Variants in AFF2 observed in about 807,000 individuals in gnomAD.
The protein encoded by AFF2 is ALF transcription elongation factor 2.
A neutral mutation model predicts 76.9 loss-of-function variants in AFF2; 14 were observed. That is an observed-to-expected ratio of 0.18 (90% CI 0.12 to 0.28). The LOEUF (loss-of-function observed/expected upper bound fraction) is 0.28. AFF2 is among the 10% of genes least tolerant of loss of function. The probability of loss-of-function intolerance (pLI) is 1.00; values close to 1 mark genes in which losing one functional copy is unlikely to be tolerated. For missense variants in AFF2, 868 were observed against 1,001.1 expected, an observed-to-expected ratio of 0.87 and a Z score of 1.79; for synonymous variants, 398 against 366.7, an observed-to-expected ratio of 1.09 and a Z score of -0.98.
At chrX:148,800,312 G>T (rs2070040405) in intron 3 of AFF2, among the ~76,000 whole-genome samples, 1 of 111,638 alleles carries the variant, frequency 9.0e-6, no homozygotes, top group African/African-American at 3.3e-5. Flanking sequence ...TTCGTTAGAG[G>T]TTAGTACAAA....
chrX:148,862,395 T>C (rs2070858567), intron 7 of AFF2, among the ~76,000 whole-genome samples: 1 of 110,978 alleles, frequency 9.0e-6, no homozygotes, highest in Admixed American at 9.6e-5. Flanking sequence ...CAAACACGCA[T>C]AACATTAGAC....
rs1161003814 is a variant in AFF2 at position 148,930,254 on chromosome X, A to T, written c.1398-23326A>T. Among the ~76,000 whole-genome samples, 3 of 112,259 alleles carry T rather than the reference A, an allele frequency of 2.7e-5. No homozygotes were observed. In the East Asian group the frequency reaches 8.4e-4, roughly 31 times the overall value. The stretch of plus-strand genomic sequence containing the variant: ...GGCAGGTAAAACATCAGGTCTCAAC[A>T]TGCCCTGGCCTACAGTAAACATTAG... On this transcript the variant is annotated intron_variant, in intron 9 of 20. Transcript: ENST00000370460.
chrX:148,955,610 C>T lies in AFF2; in HGVS notation c.1565C>T (p.Pro522Leu). Reference sequence around the variant, plus strand: ...CTGTTTCTCAATCTGCAGCCTGAGCCACCCTCAACCAACAAGTGGCAACTG... The same window carrying T: ...CTGTTTCTCAATCTGCAGCCTGAGCTACCCTCAACCAACAAGTGGCAACTG... ...APRVATPEPE[P>L]PSTNKWQLDK... The change falls in exon 11 of 21, where the codon CCA becomes CTA. Residue 522 changes from proline to leucine, a missense_variant. Transcript: ENST00000370460. 1 of 1,199,453 alleles carries T rather than the reference C, an allele frequency of 8.3e-7. No individual in the cohort carries two copies. The highest frequency in any genetic ancestry group is 1.8e-5 in the South Asian group (1 of 54,182).
At position 148,996,466 on chromosome X, in the gene AFF2, C is replaced by G. The variant is rs1485548021; in HGVS notation, c.*5134C>G. On this transcript the variant is annotated 3_prime_UTR_variant, in exon 21 of 21. Transcript: ENST00000370460. ...TGGAAAGAGATGCACGCAGTTGGCT[C>G]TTGCAAGCCTGGGCAAAAATGCTTC... is the stretch of plus-strand genomic sequence containing the variant. 1 of 112,883 alleles carries G rather than the reference C, an allele frequency of 8.9e-6. No homozygotes were observed. Among genetic ancestry groups the G allele is most frequent in the Non-Finnish European group, 1.9e-5 (1 of 53,417 alleles). 9.3% of individuals were successfully genotyped at this position (112,883 alleles called of 1,213,427 possible). A position where few individuals can be genotyped will look rare whatever the true frequency, so the allele number is the denominator to read the frequency against.
chrX:148,852,004 G>T (rs951762907), intron 7 of AFF2, among the ~76,000 whole-genome samples: 1 of 110,631 alleles, frequency 9.0e-6, no homozygotes, highest in African/African-American at 3.3e-5. Context: ...GTGCTAGTTT[G>T]CTAAGGATAA....
intron 9 of AFF2, among the ~76,000 whole-genome samples, chrX:148,938,700 T>G (rs2071800574): frequency 8.9e-6 from 1 of 112,285 alleles, no homozygotes; most frequent in Admixed American, 9.4e-5. Flanking sequence ...TGCCCTTTCT[T>G]GCCCTTCTGT....
At chrX:148,903,451 G>A (rs942353310) in intron 8 of AFF2, among the ~76,000 whole-genome samples, 1 of 111,847 alleles carries the variant, frequency 8.9e-6, no homozygotes, top group Non-Finnish European at 1.9e-5. Flanking sequence ...GCTGTTGACA[G>A]ATGATCTGAG....
intron 3 of AFF2, among the ~76,000 whole-genome samples, chrX:148,794,937 T>C (rs897112896): frequency 8.9e-6 from 1 of 111,876 alleles, no homozygotes; most frequent in Non-Finnish European, 1.9e-5. Context: ...CACCTCTGAC[T>C]AGCCATAAAA....
rs782748943 is a variant in AFF2, at chrX:148,953,707, T to A, written c.1525T>A (p.Ser509Thr). The change falls in exon 10 of 21, where the codon TCT becomes ACT. Residue 509 changes from serine (S) to threonine (T), a missense_variant. Transcript: ENST00000370460. ...DTESSTTDSE[S>T]NEAPRVATPE... ...TGAAAGTAGCACCACTGACAGCGAA[T>A]CTAATGAGGCACCTCGTGTGGCAAC... 9 of 1,208,274 alleles carry A rather than the reference T, an allele frequency of 7.4e-6. No homozygotes were observed. In the Admixed American group the frequency reaches 1.5e-4, roughly 21 times the overall value.
intron 7 of AFF2, among the ~76,000 whole-genome samples, chrX:148,847,850 C>T (rs1200045929): frequency 8.9e-6 from 1 of 112,152 alleles, no homozygotes; most frequent in Non-Finnish European, 1.9e-5. Context: ...CGTGGAGGTG[C>T]TCCAAATTAT....
intron 19 of AFF2, 48 bp from the exon 20 acceptor site, chrX:148,987,319 C>T (rs1202679598): frequency 2.7e-6 from 3 of 1,120,016 alleles, no homozygotes; most frequent in Non-Finnish European, 3.6e-6. Context: ...ACCCCACTGT[C>T]ACTCTTTCCT....
chrX:148,615,771 A>G (rs1283651415), intron 1 of AFF2, among the ~76,000 whole-genome samples: 2 of 111,429 alleles, frequency 1.8e-5, no homozygotes, highest in African/African-American at 6.5e-5. Flanking sequence ...AAAGAATTTA[A>G]AAATATCCAT....
intron 3 of AFF2, among the ~76,000 whole-genome samples, chrX:148,666,673 A>G (rs73619956): frequency 0.037 from 4,149 of 111,428 alleles, 223 homozygotes; most frequent in African/African-American, 0.13. Flanking sequence ...TCCTGGCAAC[A>G]ACAACAACAA....
At chrX:148,864,861 C>T (rs1310931581) in intron 7 of AFF2, among the ~76,000 whole-genome samples, 3 of 111,787 alleles carry the variant, frequency 2.7e-5, no homozygotes, top group African/African-American at 6.5e-5. Context: ...ATGAGTGAAA[C>T]GCTGGGAAAA....
intron 20 of AFF2, among the ~76,000 whole-genome samples, 178 bp downstream of exon 20, chrX:148,987,735 G>A (rs782064154): frequency 3.6e-5 from 4 of 111,436 alleles, no homozygotes; most frequent in Non-Finnish European, 7.5e-5. Flanking sequence ...ATTCCTGAGA[G>A]CATAAAAAAG....
rs1346330610 is a variant in AFF2, at chrX:148,565,532, C to A, written c.47+64388C>A. 5.4e-5 allele frequency among the ~76,000 whole-genome samples: 6 copies of A among 111,333 alleles called. No homozygotes were observed. In the Admixed American group the frequency reaches 5.8e-4, roughly 11 times the overall value. ...GTTCTCTGTTATCTTTAGCTTTTCC[C>A]ATTTTTAAGTTAATAATGATAAAAA... On this transcript the variant is annotated intron_variant, in intron 1 of 20. Coordinates refer to ENST00000370460, the MANE Select transcript of AFF2 (RefSeq NM_002025.4).
intron 7 of AFF2, among the ~76,000 whole-genome samples, chrX:148,882,658 T>A (rs1202554921): frequency 8.9e-6 from 1 of 112,158 alleles, no homozygotes; most frequent in Non-Finnish European, 1.9e-5. Flanking sequence ...ATTACCATTT[T>A]TCTGCTGAGA....
At chrX:148,694,447 T>C (rs138693491) in intron 3 of AFF2, among the ~76,000 whole-genome samples, 1,170 of 111,999 alleles carry the variant, frequency 0.01, 16 homozygotes, top group African/African-American at 0.035. Context: ...TGTGGGACTA[T>C]TGCATACAAT....
chrX:148,927,137 A>G (rs782142945), intron 9 of AFF2, among the ~76,000 whole-genome samples: 23 of 111,850 alleles, frequency 2.1e-4, no homozygotes, highest in African/African-American at 7.5e-4. Context: ...TTATCCAGAA[A>G]GCTAATACAT....
Sources: allele counts gnomAD v4.1 joint callset (sites outside exome capture counted in the v4.1 genomes callset), GRCh38; gene constraint gnomAD v4.1.1; transcripts MANE v1.5; gene names NCBI Gene and HGNC (gene_info 2026-07-23, HGNC 2026-07-21).